The following CTNNB1 variants were observed in gnomAD, a reference collection of about 807,000 sequenced individuals.
CTNNB1 encodes the protein catenin beta 1, also known as catenin beta-1.
In CTNNB1, 6 loss-of-function variants were observed where a neutral mutation model predicts 82.5. The observed-to-expected ratio is 0.07, with a 90% confidence interval of 0.04 to 0.14. CTNNB1 has a LOEUF of 0.14. CTNNB1 is among the 10% of genes least tolerant of loss of function. The probability of loss-of-function intolerance (pLI) is 1.00; values close to 1 mark genes in which losing one functional copy is unlikely to be tolerated. For missense variants in CTNNB1, 529 were observed against 980.4 expected (o/e 0.54, Z 6.15); for synonymous variants, 312 against 329.7 (o/e 0.95, Z 0.58).
intron 2 of CTNNB1, 144 bp from the exon 3 acceptor site, chr3:41,224,382 G>A (rs923550286): frequency 2.3e-6 from 2 of 879,756 alleles, no homozygotes; most frequent in African/African-American, 3.4e-5. Context: ...GCTAACCCTG[G>A]CTATCATTCT....
At chr3:41,219,897 G>A (rs1183115427) in intron 1 of CTNNB1, among the ~76,000 whole-genome samples, 2 of 152,114 alleles carry the variant, frequency 1.3e-5, no homozygotes, top group African/African-American at 4.8e-5. Context: ...AGCTCAGAAT[G>A]GAGGAGGTAG....
intron 1 of CTNNB1, among the ~76,000 whole-genome samples, chr3:41,207,452 C>G (rs905761331): frequency 2.6e-5 from 4 of 152,156 alleles, no homozygotes; most frequent in African/African-American, 9.7e-5. Flanking sequence ...CCCTTTTCTC[C>G]TGAACTTCCC....
rs760755242 is a variant in CTNNB1 at position 41,239,419 on chromosome 3, G to T, written c.*77G>T. 1.5e-6 allele frequency: 2 copies of T among 1,351,558 alleles called. No individual in the cohort carries two copies. Among genetic ancestry groups the T allele is most frequent in the African/African-American group, 2.9e-5 (2 of 69,664 alleles). 83.7% of individuals were successfully genotyped at this position (1,351,558 alleles called of 1,614,324 possible). On this transcript the variant is annotated 3_prime_UTR_variant, in exon 15 of 15. Transcript: ENST00000349496. ...TACTCTGCCTACAGAACTTCAGAAA[G>T]ACTTGGTTGGTAGGGTGGGAGTGGT...
Position 41,239,414 on chromosome 3 carries a change from A to G in CTNNB1, c.*72A>G, listed in dbSNP as rs2078520648. 7 of 1,393,002 alleles carry G rather than the reference A, an allele frequency of 5.0e-6. No individual in the cohort carries two copies. The highest frequency in any genetic ancestry group is 7.0e-6 in the Non-Finnish European group (7 of 1,001,826). 86.3% of individuals were successfully genotyped at this position (1,393,002 alleles called of 1,614,324 possible). Reference sequence around the variant, plus strand: ...ACTTTTACTCTGCCTACAGAACTTCAGAAAGACTTGGTTGGTAGGGTGGGA... The same window carrying G: ...ACTTTTACTCTGCCTACAGAACTTCGGAAAGACTTGGTTGGTAGGGTGGGA... On this transcript the variant is annotated 3_prime_UTR_variant, in exon 15 of 15. Coordinates refer to ENST00000349496, the MANE Select transcript of CTNNB1 (RefSeq NM_001904.4).
intron 1 of CTNNB1, among the ~76,000 whole-genome samples, chr3:41,215,732 T>C (rs566172808): frequency 2.6e-5 from 4 of 152,270 alleles, no homozygotes; most frequent in East Asian, 3.9e-4. Context: ...TTGGAAGTCA[T>C]TGAGTACCTG....
chr3:41,211,897 TG>T (rs2077799045), intron 1 of CTNNB1, among the ~76,000 whole-genome samples: 1 of 152,228 alleles, frequency 6.6e-6, no homozygotes, highest in South Asian at 2.1e-4. Flanking sequence ...GTTTTCAACA[TG>T]GTAGCCAGAG....
At chr3:41,238,225 A>G (rs1307189211) in intron 14 of CTNNB1, 149 bp downstream of exon 14, 1 of 726,492 alleles carries the variant, frequency 1.4e-6, no homozygotes, top group Non-Finnish European at 2.5e-6. Flanking sequence ...CCAGTCAGCA[A>G]CAGTATCTTT....
In CTNNB1 at chr3:41,225,159, C is replaced by G. The variant is rs1207385686; in HGVS notation, c.447C>G (p.Ala149=). 1.9e-6 allele frequency: 3 copies of G among 1,614,038 alleles called. No homozygotes were observed. Among genetic ancestry groups the G allele is most frequent in the Non-Finnish European group, 2.5e-6 (3 of 1,179,988 alleles). ...LINYQDDAEL[A]TRAIPELTKL... is the part of the protein sequence containing the mutation. ...ACTATCAAGATGATGCAGAACTTGC[C>G]ACACGTGCAATCCCTGAACTGACAA... Residue 149 remains alanine (A), a synonymous_variant, in exon 4 of 15, where the codon GCC becomes GCG. Transcript: ENST00000349496. This position sits in a 1 kb window ranked among gnomAD's most constrained non-coding sequence, Gnocchi z 5.3.
chr3:41,223,136 A>G (rs1044246752), intron 1 of CTNNB1, among the ~76,000 whole-genome samples: 2 of 152,114 alleles, frequency 1.3e-5, no homozygotes, highest in African/African-American at 4.8e-5. Flanking sequence ...CATACCCAAT[A>G]TGTTAATTTA....
chr3:41,212,443 A>G (rs1412404550), intron 1 of CTNNB1, among the ~76,000 whole-genome samples: 1 of 152,130 alleles, frequency 6.6e-6, no homozygotes, highest in African/African-American at 2.4e-5. Context: ...CCATTATATT[A>G]CTATTATTAA....
chr3:41,200,684 A>G (rs1213813170), intron 1 of CTNNB1, among the ~76,000 whole-genome samples: 1 of 152,168 alleles, frequency 6.6e-6, no homozygotes, highest in Non-Finnish European at 1.5e-5. Flanking sequence ...AAGCATTGCA[A>G]CTTCTTTCAG....
Position 41,236,482 on chromosome 3 carries a change from C to T in CTNNB1, c.1937C>T (p.Ser646Phe), listed in dbSNP as rs755119590. 1 of 1,614,194 alleles carries T rather than the reference C, an allele frequency of 6.2e-7. No individual in the cohort carries two copies. The highest frequency in any genetic ancestry group is 8.5e-7 in the Non-Finnish European group (1 of 1,180,028). Reference sequence around the variant, plus strand: ...GCTCCTCTGACAGAGTTACTTCACTCTAGGAATGAAGGTGTGGGTAAGTAA... The same window carrying T: ...GCTCCTCTGACAGAGTTACTTCACTTTAGGAATGAAGGTGTGGGTAAGTAA... ...ATAPLTELLH[S>F]RNEGVATYAA... is the part of the protein sequence containing the mutation. The change falls in exon 12 of 15, where the codon TCT becomes TTT. Residue 646 changes from serine to phenylalanine, a missense_variant. By Grantham distance (155) the Ser-to-Phe change is radical (BLOSUM62 -2). This residue lies in a region of CTNNB1 where 411 missense variants were observed against 776.4 expected (regional missense o/e 0.53). Transcript: ENST00000349496.
chr3:41,227,411 AC>A lies in CTNNB1; in HGVS notation c.1081+60del, dbSNP rs2078204017. 2.5e-6 allele frequency: 4 copies of A among 1,577,766 alleles called. No homozygotes were observed. In the South Asian group the frequency reaches 4.4e-5, roughly 17 times the overall value. On this transcript the variant is annotated intron_variant, in intron 7 of 14. Coordinates refer to ENST00000349496, the MANE Select transcript of CTNNB1 (RefSeq NM_001904.4). ...TAGCATCTGCAGTTCTAATTAGATT[AC>A]TTTTCTTAGGAAAAGGTGGTAGAAC...
chr3:41,237,649 A>C, intron 13 of CTNNB1: 1 of 200,910 alleles, frequency 5.0e-6, no homozygotes, highest in Non-Finnish European at 9.9e-6. Context: ...CTTTTCTTTC[A>C]TATAACACAT....
intron 1 of CTNNB1, among the ~76,000 whole-genome samples, chr3:41,217,338 A>T (rs1312238528): frequency 6.6e-6 from 1 of 152,154 alleles, no homozygotes; most frequent in African/African-American, 2.4e-5. Flanking sequence ...ATTTTCTTTT[A>T]AATTGCTTAA....
At chr3:41,237,081 G>C (rs1274030157) in intron 13 of CTNNB1, 1 of 357,334 alleles carries the variant, frequency 2.8e-6, no homozygotes, top group African/African-American at 2.1e-5. Flanking sequence ...TTTTCTATTT[G>C]AATTTCTGCT....
intron 13 of CTNNB1, 85 bp downstream of exon 13, chr3:41,236,794 C>T (rs1424153892): frequency 1.4e-5 from 22 of 1,553,046 alleles, no homozygotes; most frequent in Non-Finnish European, 1.6e-5. Context: ...ACACTTAGTA[C>T]ACATTCATTT....
chr3:41,212,851 T>C (rs1478987224), intron 1 of CTNNB1, among the ~76,000 whole-genome samples: 2 of 152,220 alleles, frequency 1.3e-5, no homozygotes, highest in Non-Finnish European at 2.9e-5. Context: ...GTTCATCACA[T>C]CAACAGCGCC....
chr3:41,239,986 CTTTTTTT>C lies in CTNNB1; in HGVS notation c.*663_*669del, dbSNP rs1207330730. The C allele has an allele frequency of 0.014, 453 of 32,664 alleles. 4 individuals carry two copies. The highest frequency in any genetic ancestry group is 0.037 in the Middle Eastern group (2 of 54). The allele number at this position is 32,664 out of a possible 1,614,324, so 2.0% of individuals were successfully genotyped here. A position where few individuals can be genotyped will look rare whatever the true frequency, so the allele number is the denominator to read the frequency against. ...TGACTTTGCTTGCTTTGAAGTAGCT[CTTTTTTT>C]TTTTTTTTTTTTTTTTTTGCAGTAA... is the stretch of plus-strand genomic sequence containing the variant. On this transcript the variant is annotated 3_prime_UTR_variant, in exon 15 of 15. Coordinates refer to ENST00000349496, the MANE Select transcript of CTNNB1 (RefSeq NM_001904.4).
Sources: gnomAD v4.1 joint callset for allele counts (sites outside exome capture counted in the v4.1 genomes callset) on GRCh38, gnomAD v4.1.1 for gene constraint, gnomAD v4.1.1 regional missense constraint, Gnocchi (gnomAD v3.1) non-coding constraint, MANE v1.5 for transcripts, NCBI Gene and HGNC (gene_info 2026-07-23, HGNC 2026-07-21) for gene names.